ENPP2: variants seen among roughly 807,000 people sequenced by gnomAD.
ENPP2 encodes ectonucleotide pyrophosphatase/phosphodiesterase 2.
In ENPP2, 51 loss-of-function variants were observed where a neutral mutation model predicts 120.2. The observed-to-expected ratio is 0.42, with a 90% CI of 0.34 to 0.54. The LOEUF (loss-of-function observed/expected upper bound fraction) is 0.54. Ranked by LOEUF, ENPP2 falls within the 20% of genes least tolerant of loss-of-function variation. The pLI, the probability that ENPP2 is intolerant of heterozygous loss-of-function variation, is 0.04. For synonymous variants in ENPP2, 365 were observed against 366.4 expected (o/e 1.00, Z 0.04); for missense variants, 920 against 1,066.5 (o/e 0.86, Z 1.91).
chr8:119,648,763 G>A (rs1409736015), intron 1 of ENPP2, among the ~76,000 whole-genome samples: 1 of 152,312 alleles, frequency 6.6e-6, no homozygotes, highest in East Asian at 1.9e-4. Context: ...AAAGTCCAGA[G>A]CTAACATCAT....
At chr8:119,572,884 G>A (rs576460017) in intron 19 of ENPP2, 4 of 152,376 alleles carry the variant, frequency 2.6e-5, no homozygotes, top group Non-Finnish European at 5.9e-5. Flanking sequence ...GAATGCAGAG[G>A]ATGATGAATA....
intron 9 of ENPP2, among the ~76,000 whole-genome samples, chr8:119,607,699 C>A (rs901884036): frequency 4.0e-5 from 6 of 150,206 alleles, no homozygotes; most frequent in African/African-American, 1.5e-4. Context: ...TAGAGAGAGA[C>A]AGGATGGAAA....
intron 17 of ENPP2, 52 bp from the exon 18 acceptor site, chr8:119,582,654 G>T: frequency 7.8e-7 from 1 of 1,282,634 alleles, no homozygotes; most frequent in Non-Finnish European, 1.1e-6. Flanking sequence ...TTTTTGATGA[G>T]ATATGGTAAG....
At chr8:119,625,538 G>A (rs769460777) in intron 3 of ENPP2, among the ~76,000 whole-genome samples, 1 of 152,144 alleles carries the variant, frequency 6.6e-6, no homozygotes, top group Non-Finnish European at 1.5e-5. Context: ...CAAACTAATA[G>A]CAATGATAGT....
chr8:119,672,327 T>C (rs1183201072), intron 1 of ENPP2, among the ~76,000 whole-genome samples: 1 of 152,162 alleles, frequency 6.6e-6, no homozygotes, highest in East Asian at 1.9e-4. Flanking sequence ...ACATAAGCAA[T>C]ACCAGAATCG....
At chr8:119,595,404 C>A (rs1813815943) in intron 11 of ENPP2, among the ~76,000 whole-genome samples, 1 of 152,134 alleles carries the variant, frequency 6.6e-6, no homozygotes, top group African/African-American at 2.4e-5. Flanking sequence ...TTCTCTATAA[C>A]CTACACCTTT....
intron 9 of ENPP2, among the ~76,000 whole-genome samples, chr8:119,606,161 A>T (rs967038683): frequency 6.6e-6 from 1 of 152,118 alleles, no homozygotes; most frequent in Non-Finnish European, 1.5e-5. Context: ...CTATTTTTTT[A>T]AAGTTGTAAA....
chr8:119,595,880 C>T (rs1183451782), intron 11 of ENPP2: 1 of 1,613,916 alleles, frequency 6.2e-7, no homozygotes, highest in African/African-American at 1.3e-5. Flanking sequence ...CATAATGATC[C>T]ATCCTATGTA....
At chr8:119,565,290 G>A (rs1158870220) in intron 22 of ENPP2, among the ~76,000 whole-genome samples, 1 of 152,138 alleles carries the variant, frequency 6.6e-6, no homozygotes, top group Non-Finnish European at 1.5e-5. Context: ...GGAACAGAAT[G>A]TGCAAAAGAG....
chr8:119,583,352 G>C (rs1046215676), intron 17 of ENPP2, among the ~76,000 whole-genome samples: 2 of 152,210 alleles, frequency 1.3e-5, no homozygotes, highest in African/African-American at 4.8e-5. Context: ...CAGGATGCAA[G>C]CTGGCAACAT....
rs543613512 is a variant in ENPP2, at chr8:119,612,222, G to A, written c.777+4043C>T. 3.3e-5 allele frequency among the ~76,000 whole-genome samples: 5 copies of A among 152,194 alleles called. No individual in the cohort carries two copies. In the South Asian group the frequency reaches 1.0e-3, roughly 32 times the overall value. ...CAAAGGCACCAGGTTAGCAGAGCTC[G>A]CCCTAACTAGGTACATTTGGATACA... On this transcript the variant is annotated intron_variant, in intron 8 of 24. Transcript: ENST00000075322.
chr8:119,631,053 C>T (rs1324759601), intron 2 of ENPP2, among the ~76,000 whole-genome samples: 3 of 151,638 alleles, frequency 2.0e-5, no homozygotes, highest in Non-Finnish European at 4.4e-5. Flanking sequence ...CGCCACTATG[C>T]CCGGCTAATT....
chr8:119,568,232 C>A lies in ENPP2; in HGVS notation c.2074G>T (p.Ala692Ser). 2 of 1,598,872 alleles carry A rather than the reference C, an allele frequency of 1.3e-6. No individual in the cohort carries two copies. The highest frequency in any genetic ancestry group is 1.7e-4 in the Middle Eastern group (1 of 6,028). Residue 692 changes from alanine (A) to serine (S), a missense_variant, in exon 22 of 25, where the codon GCT becomes TCT. Transcript: ENST00000075322. ...FPPYLSSSPE[A>S]KYDAFLVTNM... is the part of the protein sequence containing the mutation. ...GTTACAAGGAATGCATCATATTTAG[C>A]CTCTGGTGAAGAGCTCAGATCTAAA...
At position 119,562,865 on chromosome 8, in the gene ENPP2, TCTC is replaced by T. The variant is rs747532414; in HGVS notation, c.2410_2412del (p.Glu804del). 5 of 1,613,986 alleles carry T rather than the reference TCTC, an allele frequency of 3.1e-6. No homozygotes were observed. In the South Asian group the frequency reaches 5.5e-5, roughly 18 times the overall value. ...TCTCTCTGTAAACTCACATTGCAGC[TCTC>T]CTCGTTGTCAGGCCGGTGAGGCAGG... On this transcript the variant is annotated inframe_deletion, in exon 24 of 25. Transcript: ENST00000075322.
In ENPP2 at chr8:119,607,975, T is replaced by C. The variant is rs1028228576; in HGVS notation, c.780A>G (p.Leu260=). ...CCCCTTGCTTGGTGGCTGTAATCCA[T>C]AGCTAATGAGGAAAATATAAGCGGC... ...FNHRWWGGQP[L]WITATKQGVK... The change falls in exon 9 of 25, where the codon CTA becomes CTG. Residue 260 remains leucine, a splice_region_variant and synonymous_variant. Transcript: ENST00000075322. 1 of 1,607,948 alleles carries C rather than the reference T, an allele frequency of 6.2e-7. No individual in the cohort carries two copies. Among genetic ancestry groups the C allele is most frequent in the Non-Finnish European group, 8.5e-7 (1 of 1,176,568 alleles).
chr8:119,600,818 T>A (rs1814244997), intron 10 of ENPP2, 68 bp from the exon 11 acceptor site: 1 of 905,914 alleles, frequency 1.1e-6, no homozygotes. Flanking sequence ...CACATATTTT[T>A]AAAAAACGCA....
chr8:119,575,092 A>AT (rs1028831715), intron 19 of ENPP2, among the ~76,000 whole-genome samples: 12 of 152,070 alleles, frequency 7.9e-5, no homozygotes, highest in Non-Finnish European at 1.2e-4. Context: ...AATGATACAT[A>AT]TTTTTTTTAA....
intron 1 of ENPP2, among the ~76,000 whole-genome samples, chr8:119,664,125 G>A (rs1464353813): frequency 6.6e-6 from 1 of 152,130 alleles, no homozygotes; most frequent in Non-Finnish European, 1.5e-5. Flanking sequence ...CAACAAGAGG[G>A]CTTATAAAAT....
At chr8:119,659,320 T>TAAA (rs750701293) in intron 1 of ENPP2, among the ~76,000 whole-genome samples, 8 of 64,906 alleles carry the variant, frequency 1.2e-4, no homozygotes, top group Non-Finnish European at 2.1e-4. Flanking sequence ...CTGTCTCAAT[T>TAAA]AAAAAAAAAA....
Sources: gnomAD v4.1 joint callset for allele counts (sites outside exome capture counted in the v4.1 genomes callset) on GRCh38, gnomAD v4.1.1 for gene constraint, MANE v1.5 for transcripts, NCBI Gene and HGNC (gene_info 2026-07-23, HGNC 2026-07-21) for gene names.